The following GALNTL6 variants were observed in gnomAD, a reference collection of about 807,000 sequenced individuals.
GALNTL6 encodes polypeptide N-acetylgalactosaminyltransferase-like 6.
GALNTL6 carries 46 observed loss-of-function variants against 73.7 expected under a neutral mutation model. The ratio of observed to expected loss-of-function variants is 0.62; its 90% CI spans 0.49 to 0.80. GALNTL6 has a LOEUF of 0.80. Ranked by LOEUF, GALNTL6 falls within the 30% of genes least tolerant of loss-of-function variation. The probability of loss-of-function intolerance (pLI) is 0.00; values close to 1 mark genes in which losing one functional copy is unlikely to be tolerated. For synonymous variants in GALNTL6, 259 were observed against 263.7 expected, an observed-to-expected ratio of 0.98 and a Z score of 0.17; for missense variants, 604 against 755.0, an observed-to-expected ratio of 0.80 and a Z score of 2.34.
Position 172,600,807 on chromosome 4 carries a change from G to A in GALNTL6, c.554-208554G>A, listed in dbSNP as rs116001053. On this transcript the variant is annotated intron_variant, in intron 5 of 12. Transcript: ENST00000506823. The stretch of plus-strand genomic sequence containing the variant: ...TTGAAAACCAGCCTGGAAAGGTCAA[G>A]ATGATCCTAAAGTAACCTAAATACT... Among the ~76,000 whole-genome samples the A allele has an allele frequency of 5.4e-3, 829 of 152,196 alleles. 8 individuals are homozygous for A. Among genetic ancestry groups the A allele is most frequent in the African/African-American group, 0.019 (775 of 41,518 alleles).
chr4:172,177,135 G>A (rs1735027403), intron 2 of GALNTL6, among the ~76,000 whole-genome samples: 1 of 152,148 alleles, frequency 6.6e-6, no homozygotes. Flanking sequence ...GCATATAGGA[G>A]GAGAATTAGT....
intron 2 of GALNTL6, among the ~76,000 whole-genome samples, chr4:172,057,745 T>TAC (rs1731073560): frequency 7.1e-6 from 1 of 140,808 alleles, no homozygotes; most frequent in Non-Finnish European, 1.5e-5. Context: ...TATATATATA[T>TAC]ATATATATAT....
intron 2 of GALNTL6, among the ~76,000 whole-genome samples, chr4:171,932,809 A>G (rs1738226539): frequency 6.6e-6 from 1 of 152,184 alleles, no homozygotes; most frequent in Non-Finnish European, 1.5e-5. Context: ...TAGCAACACA[A>G]ATGTCCAGAA....
intron 5 of GALNTL6, among the ~76,000 whole-genome samples, chr4:172,724,847 T>A (rs1010944181): frequency 2.6e-5 from 4 of 152,058 alleles, no homozygotes; most frequent in African/African-American, 9.7e-5. Flanking sequence ...GATTCAAGAA[T>A]CAAAATGTGA....
At chr4:172,485,859 G>A (rs1055924997) in intron 5 of GALNTL6, among the ~76,000 whole-genome samples, 1 of 152,086 alleles carries the variant, frequency 6.6e-6, no homozygotes, top group African/African-American at 2.4e-5. Context: ...TAAAAGTAAG[G>A]TTTGTAAACA....
At chr4:172,064,436 T>C (rs1731299127) in intron 2 of GALNTL6, among the ~76,000 whole-genome samples, 1 of 152,230 alleles carries the variant, frequency 6.6e-6, no homozygotes, top group Non-Finnish European at 1.5e-5. Context: ...AAGTGTATTC[T>C]AGGTCATAGA....
At chr4:172,408,148 C>T (rs1212830460) in intron 5 of GALNTL6, among the ~76,000 whole-genome samples, 2 of 151,860 alleles carry the variant, frequency 1.3e-5, no homozygotes, top group African/African-American at 4.8e-5. Flanking sequence ...TTTATTGACC[C>T]GTGAACTTGA....
intron 5 of GALNTL6, among the ~76,000 whole-genome samples, chr4:172,678,702 C>A (rs1732448036): frequency 6.6e-6 from 1 of 152,186 alleles, no homozygotes; most frequent in South Asian, 2.1e-4. Context: ...GCTTCAGTTT[C>A]TTTGTGGACA....
At position 171,907,567 on chromosome 4, in the gene GALNTL6, G is replaced by A. The variant is rs374562969; in HGVS notation, c.138+92849G>A. On this transcript the variant is annotated intron_variant, in intron 2 of 12. Coordinates refer to ENST00000506823, the MANE Select transcript of GALNTL6 (RefSeq NM_001034845.3). ...TCAATATCGTGAAAATGGCCATACTGTCCAAGGTAATTTACAGATTCAATG... is the reference window on the plus strand; with the variant it reads ...TCAATATCGTGAAAATGGCCATACTATCCAAGGTAATTTACAGATTCAATG... Among the ~76,000 whole-genome samples the A allele has an allele frequency of 5.8e-3, 875 of 152,090 alleles. 11 individuals are homozygous for A. The highest frequency in any genetic ancestry group is 0.032 in the South Asian group (153 of 4,810).
intron 12 of GALNTL6, among the ~76,000 whole-genome samples, chr4:173,030,153 T>TGTC (rs1753398310): frequency 7.6e-6 from 1 of 131,790 alleles, no homozygotes; most frequent in Non-Finnish European, 1.7e-5. Flanking sequence ...GGACTTATGT[T>TGTC]ATCCTAAGAA....
intron 7 of GALNTL6, among the ~76,000 whole-genome samples, chr4:172,847,647 C>T (rs1422738880): frequency 6.6e-6 from 1 of 152,136 alleles, no homozygotes; most frequent in Non-Finnish European, 1.5e-5. Flanking sequence ...GGGCCAGGCA[C>T]TATCCTAAGT....
chr4:172,336,191 A>G (rs2111190842), intron 4 of GALNTL6, among the ~76,000 whole-genome samples: 1 of 144,378 alleles, frequency 6.9e-6, no homozygotes, highest in South Asian at 2.2e-4. Context: ...ATCTTAATTT[A>G]TTTGTTTACC....
At chr4:172,521,895 C>T (rs957531269) in intron 5 of GALNTL6, among the ~76,000 whole-genome samples, 4 of 152,158 alleles carry the variant, frequency 2.6e-5, no homozygotes, top group African/African-American at 9.6e-5. Context: ...GCTATCTAAT[C>T]TTATTCATTA....
chr4:173,039,501 T>C (rs1018848409), intron 12 of GALNTL6, among the ~76,000 whole-genome samples: 1 of 152,062 alleles, frequency 6.6e-6, no homozygotes. Flanking sequence ...GAGCAGGGGG[T>C]ATTATTTACT....
At chr4:171,951,340 G>A (rs528406154) in intron 2 of GALNTL6, among the ~76,000 whole-genome samples, 4 of 152,062 alleles carry the variant, frequency 2.6e-5, no homozygotes, top group Admixed American at 1.3e-4. Flanking sequence ...GTATTATAAT[G>A]CTTATAAATA....
intron 8 of GALNTL6, among the ~76,000 whole-genome samples, chr4:172,886,949 C>A (rs892149513): frequency 6.6e-6 from 1 of 152,140 alleles, no homozygotes; most frequent in African/African-American, 2.4e-5. Flanking sequence ...GAGCATGGTA[C>A]ACAACAGGTA....
rs577690846 is a variant in GALNTL6, at chr4:171,984,507, G to C, written c.138+169789G>C. ...GGCCCAAAACTCTCCAGATGGGAGA[G>C]AGTTTTGTAGCGGGACTTTGGGTTG... On this transcript the variant is annotated intron_variant, in intron 2 of 12. Transcript: ENST00000506823. 2.6e-5 allele frequency among the ~76,000 whole-genome samples: 4 copies of C among 152,258 alleles called. No homozygotes were observed. In the East Asian group the frequency reaches 7.8e-4, roughly 30 times the overall value.
At chr4:172,199,078 T>C (rs1398257465) in intron 2 of GALNTL6, among the ~76,000 whole-genome samples, 1 of 152,194 alleles carries the variant, frequency 6.6e-6, no homozygotes, top group East Asian at 1.9e-4. Flanking sequence ...GTGACCCCTG[T>C]TGGATTCCTT....
intron 8 of GALNTL6, among the ~76,000 whole-genome samples, chr4:172,921,225 T>C (rs1034612160): frequency 5.3e-5 from 8 of 152,230 alleles, no homozygotes; most frequent in Non-Finnish European, 1.0e-4. Flanking sequence ...TGAATGCTTT[T>C]AATAAATACT....
Sources: allele counts gnomAD v4.1 joint callset (sites outside exome capture counted in the v4.1 genomes callset), GRCh38; gene constraint gnomAD v4.1.1; transcripts MANE v1.5; gene names NCBI Gene and HGNC (gene_info 2026-07-23, HGNC 2026-07-21).